The following ADCY2 variants were observed in gnomAD, a reference collection of about 807,000 sequenced individuals.
The protein encoded by ADCY2 is adenylate cyclase type 2.
In ADCY2, 31 loss-of-function variants were observed where a neutral mutation model predicts 125.2. The observed-to-expected ratio is 0.25, with a 90% CI of 0.19 to 0.33. ADCY2 has a LOEUF of 0.33. ADCY2 is among the 10% of genes least tolerant of loss of function. ADCY2 has a pLI of 1.00. For synonymous variants in ADCY2, 512 were observed against 548.4 expected (o/e 0.93, Z 0.93); for missense variants, 904 against 1,418.2 (o/e 0.64, Z 5.82).
At chr5:7,494,796 G>A (rs1403510905) in intron 2 of ADCY2, among the ~76,000 whole-genome samples, 8 of 152,188 alleles carry the variant, frequency 5.3e-5, no homozygotes, top group African/African-American at 1.9e-4. Flanking sequence ...ATTCAACAAG[G>A]TGTTAAGAAC....
rs59841590 is a variant in ADCY2 at position 7,581,819 on chromosome 5, C to CAAAAAA, written c.571-44337_571-44332dup. Among the ~76,000 whole-genome samples, 100 of 123,718 alleles carry CAAAAAA rather than the reference C, an allele frequency of 8.1e-4. 1 individual carries two copies. The highest frequency in any genetic ancestry group is 2.6e-3 in the African/African-American group (85 of 32,114). The allele number at this position is 123,718 out of a possible 152,430, so 81.2% of individuals were successfully genotyped here. A position where few individuals can be genotyped will look rare whatever the true frequency, so the allele number is the denominator to read the frequency against. On this transcript the variant is annotated intron_variant, in intron 3 of 24. Transcript: ENST00000338316. ...CTGGCGACAGAGCAAGACTCAGTCT[C>CAAAAAA]AAAAAAAAAAAAAAAAGAAAAAGAA...
intron 7 of ADCY2, among the ~76,000 whole-genome samples, chr5:7,702,916 C>T (rs897781920): frequency 1.3e-5 from 2 of 152,190 alleles, no homozygotes; most frequent in African/African-American, 2.4e-5. Flanking sequence ...TAATGATCGC[C>T]ATTCTGACTG....
chr5:7,752,983 C>T (rs1452699941), intron 15 of ADCY2, among the ~76,000 whole-genome samples: 3 of 147,912 alleles, frequency 2.0e-5, no homozygotes, highest in African/African-American at 7.5e-5. Flanking sequence ...ACTGCAACCT[C>T]TGCCTCCCGG....
intron 2 of ADCY2, among the ~76,000 whole-genome samples, chr5:7,460,530 A>G (rs557633550): frequency 6.6e-6 from 1 of 152,320 alleles, no homozygotes; most frequent in Admixed American, 6.5e-5. Flanking sequence ...TTGAGTTATG[A>G]TCTTTGGAAG....
intron 2 of ADCY2, among the ~76,000 whole-genome samples, chr5:7,477,428 T>G (rs1742565836): frequency 6.6e-6 from 1 of 152,188 alleles, no homozygotes; most frequent in African/African-American, 2.4e-5. Context: ...CTTGCAGAAT[T>G]GTCAACCTTG....
intron 19 of ADCY2, among the ~76,000 whole-genome samples, chr5:7,786,644 G>C (rs577249028): frequency 6.6e-6 from 1 of 152,184 alleles, no homozygotes; most frequent in South Asian, 2.1e-4. Flanking sequence ...TATGACAGAT[G>C]TGTTAACCAA....
intron 3 of ADCY2, among the ~76,000 whole-genome samples, chr5:7,587,990 G>A (rs1017435700): frequency 6.6e-6 from 1 of 152,024 alleles, no homozygotes; most frequent in Admixed American, 6.6e-5. Flanking sequence ...GAAAAAAGCT[G>A]TAAGTATTAG....
chr5:7,445,315 A>G lies in ADCY2; in HGVS notation c.408+30545A>G, dbSNP rs1300797912. 3.3e-5 allele frequency among the ~76,000 whole-genome samples: 5 copies of G among 152,316 alleles called. No homozygotes were observed. In the South Asian group the frequency reaches 1.0e-3, roughly 32 times the overall value. On this transcript the variant is annotated intron_variant, in intron 2 of 24. Coordinates refer to ENST00000338316, the MANE Select transcript of ADCY2 (RefSeq NM_020546.3). Reference sequence around the variant, plus strand: ...TGTGGCTACCCAGCTGGCCCAGTGCAGTTTACTGGAAGGTCACCCTGCTTT... The same window carrying G: ...TGTGGCTACCCAGCTGGCCCAGTGCGGTTTACTGGAAGGTCACCCTGCTTT...
rs200123631 is a variant in ADCY2, at chr5:7,666,127, T to A, written c.721-24564T>A. On this transcript the variant is annotated intron_variant, in intron 4 of 24. Coordinates refer to ENST00000338316, the MANE Select transcript of ADCY2 (RefSeq NM_020546.3). ...TGCTGGGATTACAGGCGTGAGCCACTGCGCCCAGCCCTTATTTAATTCTTA... is the reference window on the plus strand; with the variant it reads ...TGCTGGGATTACAGGCGTGAGCCACAGCGCCCAGCCCTTATTTAATTCTTA... Among the ~76,000 whole-genome samples the A allele has an allele frequency of 1.1e-4, 17 of 151,880 alleles. No individual in the cohort carries two copies. The South Asian group carries it at 3.5e-3, about 32-fold the overall frequency.
chr5:7,455,367 A>C (rs2126427820), intron 2 of ADCY2, among the ~76,000 whole-genome samples: 1 of 152,234 alleles, frequency 6.6e-6, no homozygotes, highest in Non-Finnish European at 1.5e-5. Flanking sequence ...TCTTCCACTA[A>C]AATTTGCAAC....
chr5:7,697,155 T>A (rs2126325362), intron 6 of ADCY2, among the ~76,000 whole-genome samples: 1 of 152,210 alleles, frequency 6.6e-6, no homozygotes, highest in African/African-American at 2.4e-5. Flanking sequence ...TCCTCTTAAC[T>A]AATTAAATCT....
At chr5:7,776,339 G>T (rs1743725784) in intron 18 of ADCY2, among the ~76,000 whole-genome samples, 1 of 152,062 alleles carries the variant, frequency 6.6e-6, no homozygotes, top group Admixed American at 6.6e-5. Context: ...GAGCCCCTCT[G>T]TGCCATTGAA....
At chr5:7,723,706 A>T (rs968350020) in intron 12 of ADCY2, among the ~76,000 whole-genome samples, 5 of 152,010 alleles carry the variant, frequency 3.3e-5, no homozygotes, top group Admixed American at 1.3e-4. Flanking sequence ...GTGGACCACG[A>T]GGTTGGGAGT....
intron 2 of ADCY2, among the ~76,000 whole-genome samples, chr5:7,425,393 G>C (rs1002207134): frequency 6.6e-6 from 1 of 152,158 alleles, no homozygotes; most frequent in African/African-American, 2.4e-5. Flanking sequence ...GGATGCTGTT[G>C]TTCTATCCCA....
Position 7,709,675 on chromosome 5 carries a change from G to A in ADCY2, c.1578+288G>A, listed in dbSNP as rs1741377735. 6.6e-6 allele frequency among the ~76,000 whole-genome samples: 1 copy of A among 152,166 alleles called. No homozygotes were observed. The highest frequency in any genetic ancestry group is 2.4e-5 in the African/African-American group (1 of 41,426). On this transcript the variant is annotated intron_variant, in intron 10 of 24. Transcript: ENST00000338316. The surrounding 1 kb of genome is among the most constrained non-coding windows in gnomAD (Gnocchi z 4.4). ...TTAAATACAACTATTTATTAATTGA[G>A]GGGTTTTTTAAGAAAAACTTCTATC... is the stretch of plus-strand genomic sequence containing the variant.
chr5:7,431,472 T>C (rs1740598226), intron 2 of ADCY2, among the ~76,000 whole-genome samples: 1 of 152,062 alleles, frequency 6.6e-6, no homozygotes, highest in African/African-American at 2.4e-5. Flanking sequence ...AAGCTGTTAG[T>C]ACCCTTGTGT....
chr5:7,693,206 T>C (rs770648819), intron 5 of ADCY2, among the ~76,000 whole-genome samples: 6 of 152,080 alleles, frequency 3.9e-5, no homozygotes, highest in Non-Finnish European at 8.8e-5. Context: ...AAACCTTCAG[T>C]TGGGCTCTCC....
At chr5:7,711,603 T>C (rs960795479) in intron 10 of ADCY2, among the ~76,000 whole-genome samples, 4 of 152,212 alleles carry the variant, frequency 2.6e-5, no homozygotes, top group African/African-American at 7.2e-5. Context: ...GACTGTCTCT[T>C]TTATTATCTG....
chr5:7,772,029 G>A (rs774000521), intron 17 of ADCY2, among the ~76,000 whole-genome samples: 4 of 152,158 alleles, frequency 2.6e-5, no homozygotes, highest in South Asian at 2.1e-4. Flanking sequence ...CCCTCCTGGC[G>A]TGCAGGACTC....
Sources: allele counts gnomAD v4.1 joint callset (sites outside exome capture counted in the v4.1 genomes callset), GRCh38; gene constraint gnomAD v4.1.1; non-coding constraint Gnocchi (gnomAD v3.1); transcripts MANE v1.5; gene names NCBI Gene and HGNC (gene_info 2026-07-23, HGNC 2026-07-21).